Variants in LRRC4C observed in about 807,000 individuals in gnomAD.
LRRC4C encodes leucine-rich repeat-containing protein 4C.
Under a neutral mutation model 33.6 loss-of-function variants are expected in LRRC4C, and 5 were observed. The ratio of observed to expected loss-of-function variants is 0.15; its 90% CI spans 0.08 to 0.31. The LOEUF is 0.31. LRRC4C is among the 10% of genes least tolerant of loss of function. The pLI, the probability that LRRC4C is intolerant of heterozygous loss-of-function variation, is 1.00. For missense variants in LRRC4C, 560 were observed against 796.7 expected (o/e 0.70, Z 3.58); for synonymous variants, 329 against 302.0 (o/e 1.09, Z -0.93).
intron 1 of LRRC4C, among the ~76,000 whole-genome samples, chr11:41,040,105 TC>T (rs1194216810): frequency 1.4e-5 from 2 of 138,210 alleles, no homozygotes; most frequent in Non-Finnish European, 1.5e-5. Context: ...GCCACTGCAC[TC>T]CAGCCTGGGC....
chr11:40,300,945 T>G (rs2136664474), intron 4 of LRRC4C, among the ~76,000 whole-genome samples: 1 of 152,320 alleles, frequency 6.6e-6, no homozygotes, highest in South Asian at 2.1e-4. Context: ...AGGACAGGTG[T>G]GAGCACTGTA....
intron 1 of LRRC4C, among the ~76,000 whole-genome samples, chr11:41,354,492 T>A (rs985317940): frequency 2.6e-5 from 4 of 151,998 alleles, no homozygotes; most frequent in African/African-American, 9.7e-5. Flanking sequence ...AATTACAAAT[T>A]TCATTTTTCA....
chr11:40,297,421 G>T (rs1944566642), intron 4 of LRRC4C, among the ~76,000 whole-genome samples: 1 of 151,900 alleles, frequency 6.6e-6, no homozygotes, highest in African/African-American at 2.4e-5. Context: ...AAACTACTTT[G>T]AATTTAAAAT....
intron 2 of LRRC4C, among the ~76,000 whole-genome samples, chr11:40,671,643 TTCA>T (rs1376439927): frequency 5.7e-4 from 51 of 89,048 alleles, no homozygotes; most frequent in Non-Finnish European, 8.0e-5. Flanking sequence ...CTTGTCCTTA[TTCA>T]GTGTGTGTGT....
intron 6 of LRRC4C, among the ~76,000 whole-genome samples, chr11:40,135,306 A>C (rs1856893642): frequency 6.6e-6 from 1 of 152,234 alleles, no homozygotes; most frequent in Non-Finnish European, 1.5e-5. Flanking sequence ...TGTTAACCAT[A>C]GGTTGTGAAT....
At chr11:40,157,099 G>A (rs752153820) in intron 5 of LRRC4C, among the ~76,000 whole-genome samples, 4 of 151,922 alleles carry the variant, frequency 2.6e-5, no homozygotes, top group Non-Finnish European at 5.9e-5. Flanking sequence ...AGAGAACCCA[G>A]AAATAAACCC....
At chr11:41,248,473 G>T (rs1948525080) in intron 1 of LRRC4C, among the ~76,000 whole-genome samples, 2 of 151,988 alleles carry the variant, frequency 1.3e-5, no homozygotes, top group South Asian at 4.2e-4. Context: ...CTTATCTTTA[G>T]AATGCATTCT....
intron 1 of LRRC4C, among the ~76,000 whole-genome samples, chr11:41,020,262 T>G (rs1326054926): frequency 1.3e-5 from 2 of 152,158 alleles, no homozygotes; most frequent in Non-Finnish European, 2.9e-5. Flanking sequence ...AACAATAATT[T>G]TCTCATGAGG....
At chr11:40,343,424 C>T (rs948818681) in intron 3 of LRRC4C, among the ~76,000 whole-genome samples, 3 of 151,762 alleles carry the variant, frequency 2.0e-5, no homozygotes, top group Non-Finnish European at 4.4e-5. Flanking sequence ...AACTTTAGGT[C>T]ATGGCAATTT....
intron 5 of LRRC4C, among the ~76,000 whole-genome samples, chr11:40,218,654 C>CTATCTATCTATCT (rs71060948): frequency 4.9e-5 from 7 of 141,606 alleles, no homozygotes; most frequent in Admixed American, 7.3e-5. Flanking sequence ...ATCTATCTAT[C>CTATCTATCTATCT]ATCTATTGCC....
intron 5 of LRRC4C, among the ~76,000 whole-genome samples, chr11:40,218,593 T>G (rs572135361): frequency 7.6e-5 from 6 of 78,780 alleles, no homozygotes; most frequent in Non-Finnish European, 1.6e-4. Flanking sequence ...TATGTATGTA[T>G]GTATGTATGT....
chr11:40,984,213 A>G (rs1311063604), intron 1 of LRRC4C, among the ~76,000 whole-genome samples: 1 of 150,484 alleles, frequency 6.6e-6, no homozygotes, highest in African/African-American at 2.4e-5. Context: ...GGAAGGAAAG[A>G]AGGAAGGAAG....
chr11:40,862,220 A>G (rs1265898229), intron 2 of LRRC4C, among the ~76,000 whole-genome samples: 1 of 152,198 alleles, frequency 6.6e-6, no homozygotes, highest in Non-Finnish European at 1.5e-5. Context: ...TTACTAAGTT[A>G]GCCTTAGTAT....
At chr11:40,458,312 C>T (rs1308659594) in intron 3 of LRRC4C, among the ~76,000 whole-genome samples, 2 of 152,094 alleles carry the variant, frequency 1.3e-5, no homozygotes, top group Non-Finnish European at 2.9e-5. Context: ...GTCTGTCATG[C>T]AATTCCATTA....
At chr11:40,544,180 C>T (rs1956830355) in intron 3 of LRRC4C, among the ~76,000 whole-genome samples, 1 of 152,082 alleles carries the variant, frequency 6.6e-6, no homozygotes, top group African/African-American at 2.4e-5. Flanking sequence ...CTACAGTTCT[C>T]TGTTGTGAAC....
chr11:40,861,683 C>T (rs1461469471), intron 2 of LRRC4C, among the ~76,000 whole-genome samples: 1 of 152,044 alleles, frequency 6.6e-6, no homozygotes, highest in Non-Finnish European at 1.5e-5. Context: ...AAAGGAATAC[C>T]CAAGGCTGGG....
intron 3 of LRRC4C, among the ~76,000 whole-genome samples, chr11:40,569,902 A>G (rs1198648484): frequency 2.6e-5 from 4 of 152,048 alleles, no homozygotes; most frequent in Admixed American, 2.6e-4. Flanking sequence ...CAGTAAAATC[A>G]TGTTGCTGAG....
chr11:40,745,213 C>T (rs1565004947), intron 2 of LRRC4C, among the ~76,000 whole-genome samples: 1 of 152,168 alleles, frequency 6.6e-6, no homozygotes. Flanking sequence ...TCAGCCTACA[C>T]TTCCATCGGG....
intron 3 of LRRC4C, among the ~76,000 whole-genome samples, chr11:40,444,496 G>A (rs1951540960): frequency 6.6e-6 from 1 of 151,590 alleles, no homozygotes; most frequent in Non-Finnish European, 1.5e-5. Context: ...TGTGTGCTGA[G>A]TTTAACTGAA....
Sources: allele counts gnomAD v4.1 joint callset (sites outside exome capture counted in the v4.1 genomes callset), GRCh38; gene constraint gnomAD v4.1.1; transcripts MANE v1.5; gene names NCBI Gene and HGNC (gene_info 2026-07-23, HGNC 2026-07-21).